Variants in RECQL5 observed in about 807,000 individuals in gnomAD.
RECQL5 encodes RecQ like helicase 5.
In RECQL5, 88 loss-of-function variants were observed where a neutral mutation model predicts 103.4. The observed-to-expected ratio is 0.85, with a 90% CI of 0.72 to 1.02. RECQL5 has a LOEUF of 1.02. Ranked by LOEUF, RECQL5 falls within the 50% of genes least tolerant of loss-of-function variation. The pLI is 0.00. For synonymous variants in RECQL5, 552 were observed against 507.9 expected (o/e 1.09, Z -1.17); for missense variants, 1,232 against 1,284.3 (o/e 0.96, Z 0.62).
At chr17:75,649,545 G>C in intron 8 of RECQL5, 2 of 825,054 alleles carry the variant, frequency 2.4e-6, no homozygotes, top group Non-Finnish European at 2.9e-6. Context: ...CTCACTGCCA[G>C]GTGCCCGCCC....
Position 75,636,693 on chromosome 17 carries a change from TCCC to T in RECQL5, c.1230-5028_1230-5026del, listed in dbSNP as rs1221836305. ...TCTTTAGAGAACAGGACCCCTCAGC[TCCC>T]CCACCTGCGCCATGAAGGTTCAGTC... On this transcript the variant is annotated intron_variant, in intron 8 of 19. Coordinates refer to ENST00000317905, the MANE Select transcript of RECQL5 (RefSeq NM_004259.7). This position sits in a 1 kb window ranked among gnomAD's most constrained non-coding sequence, Gnocchi z 5.4. The T allele has an allele frequency of 1.3e-5, 2 of 152,170 alleles. No individual in the cohort carries two copies. Among genetic ancestry groups the T allele is most frequent in the African/African-American group, 4.8e-5 (2 of 41,376 alleles). 9.4% of individuals were successfully genotyped at this position (152,170 alleles called of 1,614,324 possible). A position where few individuals can be genotyped will look rare whatever the true frequency, so the allele number is the denominator to read the frequency against.
In RECQL5 at chr17:75,627,357, G is replaced by A; in HGVS notation, c.*65C>T. On this transcript the variant is annotated 3_prime_UTR_variant, in exon 20 of 20. Coordinates refer to ENST00000317905, the MANE Select transcript of RECQL5 (RefSeq NM_004259.7). ...GACGATGGCCCTGGCATCAGCAGGT[G>A]AGGCCCAGGATGACCCATGCTAGAA... The A allele has an allele frequency of 4.9e-6, 6 of 1,216,202 alleles. No homozygotes were observed. The highest frequency in any genetic ancestry group is 7.3e-6 in the Non-Finnish European group (6 of 824,610). The allele number at this position is 1,216,202 out of a possible 1,614,324, so 75.3% of individuals were successfully genotyped here.
At chr17:75,629,981 T>C in intron 14 of RECQL5, 139 bp from the exon 15 acceptor site, 1 of 1,229,126 alleles carries the variant, frequency 8.1e-7, no homozygotes, top group South Asian at 1.6e-5. Flanking sequence ...TGGGCAAGTT[T>C]TAGGCCTCCC....
At chr17:75,642,198 G>T (rs763443893) in intron 8 of RECQL5, among the ~76,000 whole-genome samples, 18 of 152,306 alleles carry the variant, frequency 1.2e-4, no homozygotes, top group Admixed American at 2.0e-4. Flanking sequence ...GGAGTGAGGG[G>T]AGGGGAGGCA....
rs1342859817 is a variant in RECQL5 at position 75,627,039 on chromosome 17, C to G, written c.*383G>C. Reference sequence around the variant, plus strand: ...ATGGATGGGGGAGTGGGTGGAGGATCTGAGGGTCCCCTGGGTAGGTTCCGA... The same window carrying G: ...ATGGATGGGGGAGTGGGTGGAGGATGTGAGGGTCCCCTGGGTAGGTTCCGA... On this transcript the variant is annotated 3_prime_UTR_variant, in exon 20 of 20. Transcript: ENST00000317905. 2.5e-6 allele frequency: 1 copy of G among 399,746 alleles called. No homozygotes were observed. Among genetic ancestry groups the G allele is most frequent in the Non-Finnish European group, 5.0e-6 (1 of 199,972 alleles). The allele number at this position is 399,746 out of a possible 1,614,324, so 24.8% of individuals were successfully genotyped here.
Position 75,631,489 on chromosome 17 carries a change from A to G in RECQL5, c.1409T>C (p.Leu470Pro), listed in dbSNP as rs1271570917. 2 of 1,613,218 alleles carry G rather than the reference A, an allele frequency of 1.2e-6. No individual in the cohort carries two copies. Among genetic ancestry groups the G allele is most frequent in the East Asian group, 4.5e-5 (2 of 44,882 alleles). ...PSQGNGFDPE[L>P]YEGGRKGYGD... is the part of the protein sequence containing the mutation. The stretch of plus-strand genomic sequence containing the variant: ...GTAGCCCTTGCGGCCTCCCTCATAC[A>G]GCTCGGGGTCAAAGCCGTTCCCCTG... The change falls in exon 9 of 20, where the codon CTG (leucine) becomes CCG (proline). Residue 470 changes from leucine (L) to proline (P), a missense_variant. Transcript: ENST00000317905.
chr17:75,661,721 A>G lies in RECQL5; in HGVS notation c.772-13T>C. On this transcript the variant is annotated splice_polypyrimidine_tract_variant and intron_variant, in intron 4 of 19. Transcript: ENST00000317905. ...CGCAGCCAGATAACTGAATGGGGAG[A>G]TGCAGGAAGAAAATAAGCATAGCAA... is the stretch of plus-strand genomic sequence containing the variant. 6.3e-7 allele frequency: 1 copy of G among 1,597,444 alleles called. No individual in the cohort carries two copies. Among genetic ancestry groups the G allele is most frequent in the East Asian group, 2.2e-5 (1 of 44,806 alleles).
rs761686100 is a variant in RECQL5, at chr17:75,666,491, C to T, written c.67G>A (p.Val23Ile). 1.2e-6 allele frequency: 2 copies of T among 1,614,018 alleles called. No individual in the cohort carries two copies. Among genetic ancestry groups the T allele is most frequent in the Non-Finnish European group, 1.7e-6 (2 of 1,180,040 alleles). The change falls in exon 2 of 20, where the codon GTC (valine) becomes ATC (isoleucine). Residue 23 changes from valine to isoleucine, a missense_variant. Coordinates refer to ENST00000317905, the MANE Select transcript of RECQL5 (RefSeq NM_004259.7). Reference protein sequence around the residue: ...ERRVRSTLKKVFGFDSFKTPL... With the variant: ...ERRVRSTLKKIFGFDSFKTPL... Reference sequence around the variant, plus strand: ...GTCTTAAAAGAGTCAAACCCAAAGACCTTCTTCAGCGTACTCCGGACTCGC... The same window carrying T: ...GTCTTAAAAGAGTCAAACCCAAAGATCTTCTTCAGCGTACTCCGGACTCGC...
At chr17:75,647,776 C>A in intron 8 of RECQL5, 1 of 555,670 alleles carries the variant, frequency 1.8e-6, no homozygotes, top group South Asian at 2.5e-5. Context: ...CCAATTCTGG[C>A]TCCTTGACCC....
At chr17:75,666,610 A>T (rs2059787351) in intron 1 of RECQL5, 39 bp from the exon 2 acceptor site, 1 of 1,587,834 alleles carries the variant, frequency 6.3e-7, no homozygotes, top group African/African-American at 1.4e-5. Context: ...AAAGGTTGCC[A>T]CGAGAACCCT....
chr17:75,632,086 C>T (rs997188765), intron 8 of RECQL5, among the ~76,000 whole-genome samples: 3 of 152,344 alleles, frequency 2.0e-5, no homozygotes, highest in Middle Eastern at 3.4e-3. Context: ...ACAGCCCTCA[C>T]GGACTGAGCG....
chr17:75,666,345 G>A (rs2059780726), intron 2 of RECQL5, 83 bp downstream of exon 2: 7 of 1,486,418 alleles, frequency 4.7e-6, no homozygotes, highest in Non-Finnish European at 6.5e-6. Context: ...GAGGCAGTAC[G>A]AAGGGTGAGG....
intron 2 of RECQL5, among the ~76,000 whole-genome samples, chr17:75,665,516 T>C (rs990301590): frequency 2.0e-5 from 3 of 151,834 alleles, no homozygotes; most frequent in Non-Finnish European, 4.4e-5. Context: ...ATGGTGAAAC[T>C]CTGTCTCTAC....
intron 8 of RECQL5, among the ~76,000 whole-genome samples, chr17:75,643,245 GT>G (rs2059453283): frequency 6.6e-6 from 1 of 152,264 alleles, no homozygotes; most frequent in South Asian, 2.1e-4. Context: ...CCATAAGCCA[GT>G]TTTCATCAGC....
chr17:75,650,182 G>A (rs986469712), intron 8 of RECQL5: 91 of 987,138 alleles, frequency 9.2e-5, no homozygotes, highest in Non-Finnish European at 1.1e-4. Context: ...GGCTCTGGTC[G>A]CAAAGGCTGC....
At chr17:75,650,031 C>A in intron 8 of RECQL5, 1 of 985,656 alleles carries the variant, frequency 1.0e-6, no homozygotes, top group South Asian at 4.7e-5. Flanking sequence ...CTCAGACAGC[C>A]CCAGAGCTTT....
chr17:75,629,472 T>G lies in RECQL5; in HGVS notation c.1951A>C (p.Lys651Gln). Residue 651 changes from lysine to glutamine, a missense_variant, in exon 16 of 20, where the codon AAA becomes CAA. Physicochemically the swap from Lys to Gln is moderately conservative, Grantham distance 53. Coordinates refer to ENST00000317905, the MANE Select transcript of RECQL5 (RefSeq NM_004259.7). The part of the protein sequence containing the change: ...IPPASHVYSL[K>Q]PKRVGAGFPK... ...AAACCAGCTCCCACCCGCTTGGGTTTGAGCTGTAAATGTGAGCAGGAGGAG... is the reference window on the plus strand; with the variant it reads ...AAACCAGCTCCCACCCGCTTGGGTTGGAGCTGTAAATGTGAGCAGGAGGAG... 6.7e-7 allele frequency: 1 copy of G among 1,503,596 alleles called. No individual in the cohort carries two copies. 93.1% of individuals were successfully genotyped at this position (1,503,596 alleles called of 1,614,324 possible).
rs376193547 is a variant in RECQL5, at chr17:75,629,462, C to T, written c.1961G>A (p.Arg654Gln). ...ASHVYSLKPK[R>Q]VGAGFPKGSC... Reference sequence around the variant, plus strand: ...GCCTTTGGGGAAACCAGCTCCCACCCGCTTGGGTTTGAGCTGTAAATGTGA... The same window carrying T: ...GCCTTTGGGGAAACCAGCTCCCACCTGCTTGGGTTTGAGCTGTAAATGTGA... The change falls in exon 16 of 20, where the codon CGG (arginine) becomes CAG (glutamine). Residue 654 changes from arginine to glutamine, a missense_variant. Physicochemically the swap from Arg to Gln is conservative, Grantham distance 43 (BLOSUM62 1). Transcript: ENST00000317905. 4.7e-5 allele frequency: 70 copies of T among 1,502,466 alleles called. No individual in the cohort carries two copies. In the African/African-American group the frequency reaches 7.0e-4, roughly 15 times the overall value. The allele number at this position is 1,502,466 out of a possible 1,614,324, so 93.1% of individuals were successfully genotyped here. A position where few individuals can be genotyped will look rare whatever the true frequency, so the allele number is the denominator to read the frequency against.
At chr17:75,654,454 T>C (rs1174372826) in intron 7 of RECQL5, among the ~76,000 whole-genome samples, 17 of 152,224 alleles carry the variant, frequency 1.1e-4, no homozygotes, top group Admixed American at 9.8e-4. Flanking sequence ...CCTGGGTAAG[T>C]TTCCATCTTT....
Sources: gnomAD v4.1 joint callset for allele counts (sites outside exome capture counted in the v4.1 genomes callset) on GRCh38, gnomAD v4.1.1 for gene constraint, Gnocchi (gnomAD v3.1) non-coding constraint, MANE v1.5 for transcripts, NCBI Gene and HGNC (gene_info 2026-07-23, HGNC 2026-07-21) for gene names.